SBSPON: variants seen among roughly 807,000 people sequenced by gnomAD.
The protein encoded by SBSPON is somatomedin B and thrombospondin type 1 domain containing.
Under a neutral mutation model 35.8 loss-of-function variants are expected in SBSPON, and 30 were observed. The ratio of observed to expected loss-of-function variants is 0.84; its 90% CI spans 0.63 to 1.14. The LOEUF is 1.14. SBSPON is among the 50% of genes most tolerant of loss of function. The pLI, the probability that SBSPON is intolerant of heterozygous loss-of-function variation, is 0.00. For missense variants in SBSPON, 364 were observed against 357.7 expected (o/e 1.02, Z -0.14); for synonymous variants, 136 against 135.9 (o/e 1.00, Z 0.00).
intron 1 of SBSPON, among the ~76,000 whole-genome samples, chr8:73,081,636 AACAAC>A (rs1810706997): frequency 7.6e-6 from 1 of 131,880 alleles, no homozygotes; most frequent in African/African-American, 2.9e-5. Context: ...AGACAACATA[AACAAC>A]AAAAAAAAAA....
At chr8:73,073,579 G>C (rs1314706820) in intron 2 of SBSPON, among the ~76,000 whole-genome samples, 2 of 152,178 alleles carry the variant, frequency 1.3e-5, no homozygotes, top group Non-Finnish European at 2.9e-5. Context: ...CCCAAGGCAG[G>C]CAGCTCACTT....
At chr8:73,091,493 C>T (rs73687089) in intron 1 of SBSPON, among the ~76,000 whole-genome samples, 2,373 of 152,246 alleles carry the variant, frequency 0.016, 39 homozygotes, top group African/African-American at 0.054. Flanking sequence ...TCCATAATTA[C>T]CTTTAAAATG....
At chr8:73,081,921 G>A (rs954412393) in intron 1 of SBSPON, among the ~76,000 whole-genome samples, 1 of 152,218 alleles carries the variant, frequency 6.6e-6, no homozygotes, top group African/African-American at 2.4e-5. Context: ...GTCAGGCCAA[G>A]AATCTGGGCC....
intron 1 of SBSPON, among the ~76,000 whole-genome samples, chr8:73,087,395 A>G (rs1345531819): frequency 6.6e-6 from 1 of 152,214 alleles, no homozygotes; most frequent in African/African-American, 2.4e-5. Context: ...AGTGCTTGGG[A>G]GAGCGCCTGG....
rs775637117 is a variant in SBSPON at position 73,071,755 on chromosome 8, A to T, written c.500+25T>A. ...ACTATACAATTGAAAAACATGATTAAAAAAAAAAAAAAACACGAAATTACC... is the reference window on the plus strand; with the variant it reads ...ACTATACAATTGAAAAACATGATTATAAAAAAAAAAAAACACGAAATTACC... On this transcript the variant is annotated intron_variant, in intron 3 of 4. Coordinates refer to ENST00000297354, the MANE Select transcript of SBSPON (RefSeq NM_153225.4). The T allele has an allele frequency of 6.1e-3, 2,492 of 407,988 alleles. 37 individuals carry two copies. The highest frequency in any genetic ancestry group is 0.061 in the African/African-American group (2,218 of 36,504). 25.3% of individuals were successfully genotyped at this position (407,988 alleles called of 1,614,324 possible).
chr8:73,073,954 C>G (rs1262305273), intron 2 of SBSPON, among the ~76,000 whole-genome samples: 1 of 152,124 alleles, frequency 6.6e-6, no homozygotes, highest in African/African-American at 2.4e-5. Flanking sequence ...TTTCTAAGAT[C>G]TACAGACAGA....
At chr8:73,074,787 G>C (rs772127297) in intron 2 of SBSPON, among the ~76,000 whole-genome samples, 14 of 152,236 alleles carry the variant, frequency 9.2e-5, no homozygotes, top group Non-Finnish European at 2.1e-4. Context: ...AGGCCAGGGA[G>C]GGCACACAGT....
chr8:73,070,892 C>A (rs906739486), intron 3 of SBSPON, among the ~76,000 whole-genome samples: 2 of 152,144 alleles, frequency 1.3e-5, no homozygotes, highest in African/African-American at 2.4e-5. Context: ...CTTTAAAGAT[C>A]TTTAAGAATG....
intron 1 of SBSPON, among the ~76,000 whole-genome samples, chr8:73,091,723 C>G (rs560849773): frequency 1.3e-5 from 2 of 152,294 alleles, no homozygotes; most frequent in South Asian, 4.1e-4. Flanking sequence ...AAAATAATAT[C>G]AATATTCACA....
In SBSPON at chr8:73,081,199, C is replaced by A. The variant is rs34779027; in HGVS notation, c.229G>T (p.Val77Leu). The A allele has an allele frequency of 1.9e-6, 3 of 1,585,828 alleles. No individual in the cohort carries two copies. The highest frequency in any genetic ancestry group is 1.1e-5 in the South Asian group (1 of 87,114). Residue 77 changes from valine (V) to leucine (L), a missense_variant, in exon 2 of 5, where the codon GTG becomes TTG. Physicochemically the swap from Val to Leu is conservative, Grantham distance 32. Coordinates refer to ENST00000297354, the MANE Select transcript of SBSPON (RefSeq NM_153225.4). ...CCACTCCAGGGGCTCCATTCCCCCA[C>A]GAAGCACGGGCGAGCTGAAAAACAG... ...DRACPARPCF[V>L]GEWSPWSGCA...
chr8:73,073,402 CT>C (rs1468538996), intron 2 of SBSPON, among the ~76,000 whole-genome samples: 1 of 152,212 alleles, frequency 6.6e-6, no homozygotes, highest in Non-Finnish European at 1.5e-5. Context: ...AAAATAGATG[CT>C]TGAAGCCTAC....
At chr8:73,085,490 G>A (rs569335231) in intron 1 of SBSPON, 1 of 150,536 alleles carries the variant, frequency 6.6e-6, no homozygotes, top group East Asian at 1.9e-4. Context: ...CATGGTCTGT[G>A]CCACTCATGG....
At position 73,081,203 on chromosome 8, in the gene SBSPON, G is replaced by C. The variant is rs751481269; in HGVS notation, c.225C>G (p.Cys75Trp). ...DYDRACPARPCFVGEWSPWSG... is the reference protein window; with the variant it reads ...DYDRACPARPWFVGEWSPWSG... ...TCCAGGGGCTCCATTCCCCCACGAA[G>C]CACGGGCGAGCTGAAAAACAGCACA... The change falls in exon 2 of 5, where the codon TGC (cysteine) becomes TGG (tryptophan). Residue 75 changes from cysteine to tryptophan, a missense_variant. Cys to Trp is a radical substitution (Grantham distance 215). Coordinates refer to ENST00000297354, the MANE Select transcript of SBSPON (RefSeq NM_153225.4). The C allele has an allele frequency of 6.3e-7, 1 of 1,580,252 alleles. No individual in the cohort carries two copies.
intron 1 of SBSPON, among the ~76,000 whole-genome samples, chr8:73,086,259 C>A (rs868508846): frequency 3.9e-5 from 6 of 151,940 alleles, no homozygotes; most frequent in Non-Finnish European, 5.9e-5. Context: ...CTCCTGAGTT[C>A]AAGAGATTCT....
intron 1 of SBSPON, among the ~76,000 whole-genome samples, chr8:73,089,559 CAAA>C (rs57649090): frequency 8.9e-6 from 1 of 112,342 alleles, no homozygotes. Context: ...GACTCCGTCT[CAAA>C]AAAAAAAAAA....
Position 73,067,387 on chromosome 8 carries a change from A to G in SBSPON, c.749T>C (p.Val250Ala). The G allele has an allele frequency of 6.2e-7, 1 of 1,611,108 alleles. No individual in the cohort carries two copies. The highest frequency in any genetic ancestry group is 1.7e-4 in the Middle Eastern group (1 of 6,058). The change falls in exon 5 of 5, where the codon GTA (valine) becomes GCA (alanine). Residue 250 changes from valine (V) to alanine (A), a missense_variant. Val to Ala is a moderately conservative substitution (Grantham distance 64). Transcript: ENST00000297354. ...CQGTWKKVRR[V>A]DQCSCPAVHS... is the part of the protein sequence containing the mutation. ...AACAGCTGGACAAGAACACTGGTCT[A>G]CTCGCCGAACTTTTTTCCAAGTTCC...
At chr8:73,089,059 C>T (rs763953048) in intron 1 of SBSPON, among the ~76,000 whole-genome samples, 11 of 152,220 alleles carry the variant, frequency 7.2e-5, no homozygotes, top group Non-Finnish European at 1.5e-5. Context: ...CTCTACTCAG[C>T]AGGGTCTGGA....
At chr8:73,076,539 C>T (rs879472125) in intron 2 of SBSPON, among the ~76,000 whole-genome samples, 8 of 151,548 alleles carry the variant, frequency 5.3e-5, no homozygotes, top group Non-Finnish European at 8.8e-5. Flanking sequence ...CCCAGCTACT[C>T]GGGAGGCTGT....
chr8:73,079,431 G>A (rs543857704), intron 2 of SBSPON, among the ~76,000 whole-genome samples: 36 of 152,046 alleles, frequency 2.4e-4, no homozygotes, highest in East Asian at 9.7e-4. Flanking sequence ...AGTAAACTTC[G>A]CTGTGCTACT....
Sources: allele counts gnomAD v4.1 joint callset (sites outside exome capture counted in the v4.1 genomes callset), GRCh38; gene constraint gnomAD v4.1.1; transcripts MANE v1.5; gene names NCBI Gene and HGNC (gene_info 2026-07-23, HGNC 2026-07-21).